The following ZNF329 variants were observed in gnomAD, a reference collection of about 807,000 sequenced individuals.
The protein encoded by ZNF329 is zinc finger protein 329.
A neutral mutation model predicts 26.6 loss-of-function variants in ZNF329; 15 were observed. The observed-to-expected ratio is 0.56, with a 90% confidence interval of 0.38 to 0.87. The LOEUF (loss-of-function observed/expected upper bound fraction) is 0.87. Ranked by LOEUF, ZNF329 falls within the 40% of genes least tolerant of loss-of-function variation. The probability of loss-of-function intolerance (pLI) is 0.00; values close to 1 mark genes in which losing one functional copy is unlikely to be tolerated. For missense variants in ZNF329, 651 were observed against 651.9 expected (o/e 1.00, Z 0.02); for synonymous variants, 239 against 233.5 (o/e 1.02, Z -0.21).
intron 1 of ZNF329, among the ~76,000 whole-genome samples, chr19:58,150,390 C>T (rs975595782): frequency 3.3e-5 from 5 of 152,340 alleles, no homozygotes; most frequent in African/African-American, 4.8e-5. Context: ...CCCCCGGAGA[C>T]GGACCAGGAC....
intron 3 of ZNF329, among the ~76,000 whole-genome samples, chr19:58,137,405 T>G (rs1449705621): frequency 1.3e-5 from 2 of 151,682 alleles, no homozygotes; most frequent in Non-Finnish European, 2.9e-5. Flanking sequence ...AGTATAAAAA[T>G]TAGCCAGGCA....
In ZNF329 at chr19:58,128,083, T is replaced by C; in HGVS notation, c.1421A>G (p.Gln474Arg). The C allele has an allele frequency of 6.2e-7, 1 of 1,609,652 alleles. No individual in the cohort carries two copies. Among genetic ancestry groups the C allele is most frequent in the Non-Finnish European group, 8.5e-7 (1 of 1,177,834 alleles). ...TGGGGTCTCCTTAGTGTGAATTCTC[T>C]GGTGCTTGGTCAGACAGGAGCTGTC... ...FRDSSCLTKH[Q>R]RIHTKETPYQ... The change falls in exon 4 of 4, where the codon CAG (glutamine) becomes CGG (arginine). Residue 474 changes from glutamine to arginine, a missense_variant. By Grantham distance (43) the Gln-to-Arg change is conservative. Coordinates refer to ENST00000598312, the MANE Select transcript of ZNF329 (RefSeq NM_024620.4).
chr19:58,143,673 C>T (rs1351794689), intron 1 of ZNF329, among the ~76,000 whole-genome samples: 7 of 152,134 alleles, frequency 4.6e-5, no homozygotes. Flanking sequence ...AAGTATATCT[C>T]GTGCTGTCTT....
At chr19:58,144,680 C>A (rs1401576385) in intron 1 of ZNF329, among the ~76,000 whole-genome samples, 1 of 148,874 alleles carries the variant, frequency 6.7e-6, no homozygotes, top group Non-Finnish European at 1.5e-5. Context: ...TGAGCCATGG[C>A]GCCCAGCCAA....
chr19:58,135,994 G>T (rs1048844730), intron 3 of ZNF329, among the ~76,000 whole-genome samples: 2 of 152,006 alleles, frequency 1.3e-5, no homozygotes, highest in Non-Finnish European at 2.9e-5. Context: ...GCACTTTAGG[G>T]GGCAGAGGCA....
intron 1 of ZNF329, among the ~76,000 whole-genome samples, chr19:58,150,410 G>C (rs1472704703): frequency 6.6e-6 from 1 of 152,204 alleles, no homozygotes; most frequent in Non-Finnish European, 1.5e-5. Context: ...CACCCAGCAG[G>C]CGTGGCAAAA....
At chr19:58,151,924 G>A (rs1015766232), upstream of ZNF329, among the ~76,000 whole-genome samples, 10 of 152,024 alleles carry the variant, frequency 6.6e-5, no homozygotes, top group African/African-American at 2.4e-4. Context: ...GTTAACACAG[G>A]TAAAATCTCG....
Position 58,131,119 on chromosome 19 carries a change from ATG to A in ZNF329, c.-8-1610_-8-1609del, listed in dbSNP as rs144702980. Among the ~76,000 whole-genome samples, 1,236 of 149,942 alleles carry A rather than the reference ATG, an allele frequency of 8.2e-3. 22 individuals are homozygous for A. Among genetic ancestry groups the A allele is most frequent in the African/African-American group, 0.026 (1,043 of 40,860 alleles). ...AATATATATACATGTATATGTGTATATGTGTGTGTGTGTGTGTGTGTGCGCGT... is the reference window on the plus strand; with the variant it reads ...AATATATATACATGTATATGTGTATATGTGTGTGTGTGTGTGTGTGCGCGT... On this transcript the variant is annotated intron_variant, in intron 3 of 3. Transcript: ENST00000598312.
chr19:58,146,661 C>T (rs1002667481), intron 1 of ZNF329, among the ~76,000 whole-genome samples: 17 of 151,804 alleles, frequency 1.1e-4, no homozygotes, highest in South Asian at 4.2e-4. Context: ...CCTGATTCTC[C>T]CGCCTCAGCC....
chr19:58,129,249 A>G lies in ZNF329; in HGVS notation c.255T>C (p.Val85=), dbSNP rs772388475. The change falls in exon 4 of 4, where the codon GTT becomes GTC. Residue 85 remains valine, a synonymous_variant. Coordinates refer to ENST00000598312, the MANE Select transcript of ZNF329 (RefSeq NM_024620.4). ...GTGCATGGAAACCATTTGTTGCCAG[A>G]ACTCTCTGAGACGGTGGAAGGTCTG... ...ASSDLPPSQR[V]LATNGFHAPD... is the part of the protein sequence containing the mutation. 6.2e-7 allele frequency: 1 copy of G among 1,614,228 alleles called. No homozygotes were observed. The highest frequency in any genetic ancestry group is 1.3e-5 in the African/African-American group (1 of 75,054).
At chr19:58,143,768 T>A (rs1045664501) in intron 1 of ZNF329, among the ~76,000 whole-genome samples, 16 of 152,064 alleles carry the variant, frequency 1.1e-4, no homozygotes, top group East Asian at 1.9e-4. Context: ...TGAGAAAAAA[T>A]TTTTTTGAAT....
chr19:58,131,249 C>A (rs893903549), intron 3 of ZNF329, among the ~76,000 whole-genome samples: 2 of 151,508 alleles, frequency 1.3e-5, no homozygotes, highest in Non-Finnish European at 2.9e-5. Flanking sequence ...CAAAACTTAA[C>A]CAAAAAACCA....
intron 1 of ZNF329, among the ~76,000 whole-genome samples, chr19:58,148,414 A>G (rs1321756641): frequency 4.7e-5 from 7 of 148,518 alleles, no homozygotes; most frequent in African/African-American, 1.7e-4. Flanking sequence ...AAAAAAAGAG[A>G]GGAAGGTAAA....
intron 3 of ZNF329, among the ~76,000 whole-genome samples, chr19:58,141,344 A>G (rs1490739483): frequency 1.3e-5 from 2 of 148,712 alleles, no homozygotes; most frequent in East Asian, 4.2e-4. Flanking sequence ...TGTTGCCCAG[A>G]CTGAAGTGCA....
Position 58,129,024 on chromosome 19 carries a change from G to A in ZNF329, c.480C>T (p.Thr160=). The A allele has an allele frequency of 6.2e-7, 1 of 1,613,788 alleles. No individual in the cohort carries two copies. Among genetic ancestry groups the A allele is most frequent in the South Asian group, 1.1e-5 (1 of 91,068 alleles). ...PESVKSFNHF[T]SLGHQKIMKR... is the part of the protein sequence containing the mutation. Reference sequence around the variant, plus strand: ...TCATTATTTTCTGATGACCAAGAGAGGTAAAATGATTAAAAGACTTAACAC... The same window carrying A: ...TCATTATTTTCTGATGACCAAGAGAAGTAAAATGATTAAAAGACTTAACAC... The change falls in exon 4 of 4, where the codon ACC becomes ACT. Residue 160 remains threonine (T), a synonymous_variant. Coordinates refer to ENST00000598312, the MANE Select transcript of ZNF329 (RefSeq NM_024620.4).
At chr19:58,143,027 G>T (rs892543066) in intron 2 of ZNF329, 78 bp downstream of exon 2, 15 of 152,572 alleles carry the variant, frequency 9.8e-5, no homozygotes, top group African/African-American at 3.6e-4. Flanking sequence ...GAGGCAGGAG[G>T]ATCACTTGAG....
At chr19:58,153,992 G>A (rs2075501274), upstream of ZNF329, among the ~76,000 whole-genome samples, 2 of 146,650 alleles carry the variant, frequency 1.4e-5, no homozygotes, top group African/African-American at 5.1e-5. Flanking sequence ...CACCCTGCCT[G>A]GCCAACATAT....
intron 3 of ZNF329, among the ~76,000 whole-genome samples, chr19:58,133,217 G>A (rs566870621): frequency 3.8e-4 from 58 of 152,280 alleles, no homozygotes; most frequent in African/African-American, 1.1e-3. Context: ...CAAAGGTAAC[G>A]GAAGGCTACT....
chr19:58,144,415 G>C (rs1229469366), intron 1 of ZNF329, among the ~76,000 whole-genome samples: 1 of 131,780 alleles, frequency 7.6e-6, no homozygotes. Flanking sequence ...TTGAGACGGA[G>C]TCTCGCTCTG....
Sources: allele counts gnomAD v4.1 joint callset (sites outside exome capture counted in the v4.1 genomes callset), GRCh38; gene constraint gnomAD v4.1.1; transcripts MANE v1.5; gene names NCBI Gene and HGNC (gene_info 2026-07-23, HGNC 2026-07-21).